Variants in UGT2B7 observed in about 807,000 individuals in gnomAD.
UGT2B7 encodes UDP-glucuronosyltransferase 2B7.
Under a neutral mutation model 51.9 loss-of-function variants are expected in UGT2B7, and 51 were observed. The ratio of observed to expected loss-of-function variants is 0.98; its 90% CI spans 0.78 to 1.24. The LOEUF (loss-of-function observed/expected upper bound fraction) is 1.24, where lower values mean the gene tolerates loss of function less well. Ranked by LOEUF, UGT2B7 falls within the 50% of genes most tolerant of loss-of-function variation. The pLI, the probability that UGT2B7 is intolerant of heterozygous loss-of-function variation, is 0.00. For synonymous variants in UGT2B7, 225 were observed against 211.6 expected (o/e 1.06, Z -0.55); for missense variants, 727 against 628.4 (o/e 1.16, Z -1.68).
chr4:69,056,313 C>G (rs1462778896), intron 1 of UGT2B7, among the ~76,000 whole-genome samples: 2 of 152,194 alleles, frequency 1.3e-5, no homozygotes, highest in Non-Finnish European at 2.9e-5. Flanking sequence ...CATACGGTTA[C>G]AAGCTGTTTT....
chr4:69,112,845 AAAAAG>A lies in UGT2B7; in HGVS notation c.*114_*118del. 4 of 1,394,590 alleles carry A rather than the reference AAAAAG, an allele frequency of 2.9e-6. No individual in the cohort carries two copies. Among genetic ancestry groups the A allele is most frequent in the Non-Finnish European group, 3.8e-6 (4 of 1,061,604 alleles). The allele number at this position is 1,394,590 out of a possible 1,614,324, so 86.4% of individuals were successfully genotyped here. On this transcript the variant is annotated 3_prime_UTR_variant, in exon 6 of 6. Transcript: ENST00000305231. ...TTCTTTCTTCCTGAGACAAAAAAAA[AAAAAG>A]AAAAAAAAATCTTTTCAAAATTTAC... is the stretch of plus-strand genomic sequence containing the variant.
Position 69,059,067 on chromosome 4 carries a change from C to A in UGT2B7, c.-159+7465C>A, listed in dbSNP as rs907899352. 3.9e-5 allele frequency among the ~76,000 whole-genome samples: 6 copies of A among 152,256 alleles called. No homozygotes were observed. In the East Asian group the frequency reaches 1.2e-3, roughly 29 times the overall value. ...TGCCACACCCAGGAGAAACCAGGCA[C>A]TGATCTGATCAGACTGGCAGGGGCT... On this transcript the variant is annotated intron_variant, in intron 1 of 5. Coordinates refer to the UGT2B7 transcript ENST00000502942.
intron 1 of UGT2B7, among the ~76,000 whole-genome samples, chr4:69,069,089 G>T (rs1457862117): frequency 2.8e-5 from 4 of 143,710 alleles, no homozygotes; most frequent in African/African-American, 1.1e-4. Context: ...AAAAAAACTT[G>T]GAACAGATAC....
intron 1 of UGT2B7, among the ~76,000 whole-genome samples, chr4:69,052,388 G>A (rs1577902230): frequency 6.6e-6 from 1 of 152,004 alleles, no homozygotes; most frequent in Non-Finnish European, 1.5e-5. Context: ...GACTAAACAA[G>A]GTCTTATTAA....
intron 5 of UGT2B7, among the ~76,000 whole-genome samples, chr4:69,109,248 G>A (rs1017258273): frequency 5.3e-5 from 8 of 151,952 alleles, no homozygotes; most frequent in Admixed American, 2.0e-4. Context: ...CCTTTCTTTA[G>A]GGTTGATACT....
intron 2 of UGT2B7, among the ~76,000 whole-genome samples, chr4:69,101,757 A>G (rs192408025): frequency 5.3e-4 from 80 of 152,306 alleles, no homozygotes; most frequent in African/African-American, 1.9e-3. Flanking sequence ...TAAATCTGAA[A>G]GTATTTAAAT....
Position 69,097,789 on chromosome 4 carries a change from A to C in UGT2B7, c.721+548A>C, listed in dbSNP as rs1358649494. Among the ~76,000 whole-genome samples, 7 of 152,170 alleles carry C rather than the reference A, an allele frequency of 4.6e-5. No individual in the cohort carries two copies. The East Asian group carries it at 1.2e-3, about 25-fold the overall frequency. On this transcript the variant is annotated intron_variant, in intron 1 of 5. Transcript: ENST00000305231. ...GCAATTTGAAGTTTCTAATGTTTCT[A>C]TACTCTTTCACGAAAGAATTGGAAA...
intron 1 of UGT2B7, among the ~76,000 whole-genome samples, chr4:69,063,419 C>A (rs982777529): frequency 6.6e-6 from 1 of 151,818 alleles, no homozygotes; most frequent in African/African-American, 2.4e-5. Flanking sequence ...GGTACTGTAC[C>A]CCTATTTACA....
In UGT2B7 at chr4:69,099,478, C is replaced by A. The variant is rs142589728; in HGVS notation, c.870+790C>A. Among the ~76,000 whole-genome samples the A allele has an allele frequency of 2.3e-3, 342 of 151,944 alleles. 2 individuals are homozygous for A. The highest frequency in any genetic ancestry group is 8.1e-3 in the African/African-American group (335 of 41,512). On this transcript the variant is annotated intron_variant, in intron 2 of 5. Transcript: ENST00000305231. The stretch of plus-strand genomic sequence containing the variant: ...AAAAGATTCTCTTTTTAAAGGAGAG[C>A]TTTCAAGATATTCAATGGATTAAAT...
At chr4:69,102,042 GA>G (rs1719434297) in intron 2 of UGT2B7, among the ~76,000 whole-genome samples, 1 of 152,058 alleles carries the variant, frequency 6.6e-6, no homozygotes, top group Non-Finnish European at 1.5e-5. Context: ...TCCACCTAAA[GA>G]ATCACCTGAA....
intron 1 of UGT2B7, among the ~76,000 whole-genome samples, chr4:69,061,208 C>T (rs570793522): frequency 2.0e-5 from 3 of 152,286 alleles, no homozygotes; most frequent in East Asian, 1.9e-4. Flanking sequence ...TACACAGACT[C>T]TAAATATGCT....
intron 1 of UGT2B7, among the ~76,000 whole-genome samples, chr4:69,057,543 G>A (rs562564688): frequency 6.6e-6 from 1 of 152,136 alleles, no homozygotes; most frequent in Admixed American, 6.5e-5. Flanking sequence ...TTATCCATAA[G>A]AATTAAAATC....
chr4:69,095,955 G>C (rs1719210744), upstream of UGT2B7, among the ~76,000 whole-genome samples: 1 of 152,150 alleles, frequency 6.6e-6, no homozygotes, highest in South Asian at 2.1e-4. Flanking sequence ...GCAGAAACTA[G>C]GGGTGGAGAG....
intron 2 of UGT2B7, among the ~76,000 whole-genome samples, chr4:69,101,852 CGTGGT>C (rs1560510293): frequency 6.6e-6 from 1 of 152,112 alleles, no homozygotes; most frequent in East Asian, 1.9e-4. Context: ...AGGAATGTTA[CGTGGT>C]GTGTGTGAGC....
chr4:69,063,153 A>C (rs920027028), intron 1 of UGT2B7, among the ~76,000 whole-genome samples: 18 of 151,230 alleles, frequency 1.2e-4, no homozygotes, highest in Non-Finnish European at 1.9e-4. Context: ...CCCCGTCTCT[A>C]CTAAAAATAC....
chr4:69,086,242 A>G (rs936913264), intron 1 of UGT2B7, among the ~76,000 whole-genome samples: 1 of 151,596 alleles, frequency 6.6e-6, no homozygotes, highest in Non-Finnish European at 1.5e-5. Flanking sequence ...TTATCTATGG[A>G]CTCAATGGTT....
At chr4:69,105,873 C>G (rs561971586) in intron 3 of UGT2B7, among the ~76,000 whole-genome samples, 14 of 152,024 alleles carry the variant, frequency 9.2e-5, no homozygotes, top group Non-Finnish European at 1.8e-4. Flanking sequence ...ATATAACAAC[C>G]TACACACAAG....
chr4:69,076,588 G>T (rs572790134), intron 1 of UGT2B7, among the ~76,000 whole-genome samples: 1 of 152,284 alleles, frequency 6.6e-6, no homozygotes, highest in Admixed American at 6.5e-5. Context: ...CTTCTTTTGA[G>T]AAGTGTCTGT....
chr4:69,058,477 C>T (rs1718261554), intron 1 of UGT2B7, among the ~76,000 whole-genome samples: 1 of 152,190 alleles, frequency 6.6e-6, no homozygotes, highest in Non-Finnish European at 1.5e-5. Context: ...AGCCCAACTA[C>T]AGCAGCTGCC....
Sources: allele counts gnomAD v4.1 joint callset (sites outside exome capture counted in the v4.1 genomes callset), GRCh38; gene constraint gnomAD v4.1.1; transcripts MANE v1.5; gene names NCBI Gene and HGNC (gene_info 2026-07-23, HGNC 2026-07-21).